Variants in KCNIP4 observed in about 807,000 individuals in gnomAD.
KCNIP4 encodes the protein potassium voltage-gated channel interacting protein 4.
In KCNIP4, 12 loss-of-function variants were observed where a neutral mutation model predicts 34.0. That is an observed-to-expected ratio of 0.35 (90% CI 0.23 to 0.57). KCNIP4 has a LOEUF of 0.57. KCNIP4 is among the 20% of genes least tolerant of loss of function. The probability of loss-of-function intolerance (pLI) is 0.83; values close to 1 mark genes in which losing one functional copy is unlikely to be tolerated. For missense variants in KCNIP4, 238 were observed against 311.7 expected, an observed-to-expected ratio of 0.76 and a Z score of 1.78; for synonymous variants, 124 against 102.2, an observed-to-expected ratio of 1.21 and a Z score of -1.29.
chr4:21,429,932 C>T (rs1726287751), intron 1 of KCNIP4, among the ~76,000 whole-genome samples: 1 of 151,970 alleles, frequency 6.6e-6, no homozygotes, highest in African/African-American at 2.4e-5. Flanking sequence ...TCATTTAATC[C>T]AGTATGCACT....
At chr4:20,987,698 C>CT (rs1469142660) in intron 1 of KCNIP4, among the ~76,000 whole-genome samples, 4 of 152,198 alleles carry the variant, frequency 2.6e-5, no homozygotes, top group Admixed American at 2.6e-4. Flanking sequence ...AGGCACTACT[C>CT]TAAAATATTT....
At chr4:21,304,320 C>T (rs980612389) in intron 1 of KCNIP4, among the ~76,000 whole-genome samples, 15 of 152,130 alleles carry the variant, frequency 9.9e-5, no homozygotes, top group African/African-American at 3.6e-4. Flanking sequence ...CATGAAGTCG[C>T]GGCGCAGATC....
At chr4:20,927,829 A>G (rs1455470631) in intron 1 of KCNIP4, among the ~76,000 whole-genome samples, 2 of 152,148 alleles carry the variant, frequency 1.3e-5, no homozygotes, top group Non-Finnish European at 2.9e-5. Flanking sequence ...TGCTACATTT[A>G]TCTAGATTTT....
chr4:20,925,886 A>G (rs922875023), intron 1 of KCNIP4, among the ~76,000 whole-genome samples: 1 of 152,320 alleles, frequency 6.6e-6, no homozygotes, highest in East Asian at 1.9e-4. Flanking sequence ...GTGGAGTCAC[A>G]TAGGACTCAC....
At chr4:21,171,009 C>G (rs557950104) in intron 1 of KCNIP4, among the ~76,000 whole-genome samples, 1 of 152,286 alleles carries the variant, frequency 6.6e-6, no homozygotes, top group South Asian at 2.1e-4. Context: ...CTCTTTTTAA[C>G]TCTAACTTGT....
intron 1 of KCNIP4, among the ~76,000 whole-genome samples, chr4:21,058,392 G>A (rs1041503306): frequency 6.6e-6 from 1 of 152,020 alleles, no homozygotes; most frequent in African/African-American, 2.4e-5. Flanking sequence ...AGGAATTAAA[G>A]GGGCAGCTCT....
chr4:20,912,631 A>G (rs1235534920), intron 1 of KCNIP4, among the ~76,000 whole-genome samples: 1 of 152,198 alleles, frequency 6.6e-6, no homozygotes, highest in African/African-American at 2.4e-5. Context: ...TGCAAATCAT[A>G]TGTCTGGTAG....
At chr4:20,997,573 G>A (rs77755189) in intron 1 of KCNIP4, among the ~76,000 whole-genome samples, 1,727 of 152,284 alleles carry the variant, frequency 0.011, 28 homozygotes, top group African/African-American at 0.04. Flanking sequence ...CTTAGGAAGG[G>A]CTGGGAAAGA....
chr4:21,654,249 A>C (rs1747740433), intron 1 of KCNIP4, among the ~76,000 whole-genome samples: 2 of 152,186 alleles, frequency 1.3e-5, no homozygotes, highest in Non-Finnish European at 2.9e-5. Context: ...CACAGCCCTC[A>C]GAGTATCATA....
At chr4:21,618,776 G>A (rs1277377612) in intron 1 of KCNIP4, among the ~76,000 whole-genome samples, 3 of 151,144 alleles carry the variant, frequency 2.0e-5, no homozygotes, top group Non-Finnish European at 4.4e-5. Context: ...TGGACTACAG[G>A]TGCCCGCCAC....
Position 20,995,415 on chromosome 4 carries a change from A to AT in KCNIP4, c.62-112707dup, listed in dbSNP as rs577775250. Among the ~76,000 whole-genome samples, 59 of 152,248 alleles carry AT rather than the reference A, an allele frequency of 3.9e-4. 1 individual carries two copies. The highest frequency in any genetic ancestry group is 2.0e-3 in the Admixed American group (30 of 15,300). The stretch of plus-strand genomic sequence containing the variant: ...AAACACTCTGTTTCTAAAAGTAATT[A>AT]TTTTTTTAGTAGCCATCTCTGAGGT... On this transcript the variant is annotated intron_variant, in intron 1 of 8. Transcript: ENST00000382152.
intron 1 of KCNIP4, among the ~76,000 whole-genome samples, chr4:21,690,148 T>TATAC (rs1553921205): frequency 3.4e-5 from 5 of 147,840 alleles, no homozygotes; most frequent in African/African-American, 1.2e-4. Context: ...TATATATATA[T>TATAC]ACACACACAC....
intron 1 of KCNIP4, among the ~76,000 whole-genome samples, chr4:21,269,063 T>G (rs999512839): frequency 1.3e-5 from 2 of 152,186 alleles, no homozygotes; most frequent in African/African-American, 4.8e-5. Context: ...GAAGAGGCCT[T>G]GTATACCATG....
intron 1 of KCNIP4, among the ~76,000 whole-genome samples, chr4:21,597,336 G>A (rs999106869): frequency 1.3e-5 from 2 of 152,046 alleles, no homozygotes; most frequent in African/African-American, 4.8e-5. Flanking sequence ...CCATGATCAT[G>A]AGGCCTCCCC....
At chr4:21,064,820 T>C (rs1392550945) in intron 1 of KCNIP4, among the ~76,000 whole-genome samples, 3 of 152,014 alleles carry the variant, frequency 2.0e-5, no homozygotes, top group African/African-American at 7.3e-5. Context: ...GCGGTATATG[T>C]GAAATCACTT....
intron 1 of KCNIP4, among the ~76,000 whole-genome samples, chr4:21,557,275 C>T (rs534507480): frequency 6.6e-6 from 1 of 152,214 alleles, no homozygotes; most frequent in Admixed American, 6.5e-5. Flanking sequence ...AATGTAATTA[C>T]TTTGACTATT....
chr4:21,252,421 C>T (rs1270341579), intron 1 of KCNIP4, among the ~76,000 whole-genome samples: 3 of 152,084 alleles, frequency 2.0e-5, no homozygotes, highest in Non-Finnish European at 2.9e-5. Flanking sequence ...CCCCTTCCCT[C>T]GCCCGGCCAA....
chr4:21,393,220 G>A (rs890579346), intron 1 of KCNIP4, among the ~76,000 whole-genome samples: 4 of 152,156 alleles, frequency 2.6e-5, no homozygotes, highest in Admixed American at 1.3e-4. Flanking sequence ...TTTATCCCTA[G>A]TAAGGCACAT....
At chr4:20,992,206 C>T (rs913240190) in intron 1 of KCNIP4, among the ~76,000 whole-genome samples, 2 of 152,162 alleles carry the variant, frequency 1.3e-5, no homozygotes, top group African/African-American at 4.8e-5. Context: ...GGGAAATTCC[C>T]ATGGCCTCAG....
Sources: gnomAD v4.1 joint callset for allele counts (sites outside exome capture counted in the v4.1 genomes callset) on GRCh38, gnomAD v4.1.1 for gene constraint, MANE v1.5 for transcripts, NCBI Gene and HGNC (gene_info 2026-07-23, HGNC 2026-07-21) for gene names.